Variants in PXDNL observed in about 807,000 individuals in gnomAD.
PXDNL encodes the protein probable oxidoreductase PXDNL.
Under a neutral mutation model 150.8 loss-of-function variants are expected in PXDNL, and 145 were observed. That is an observed-to-expected ratio of 0.96 (90% CI 0.84 to 1.10). The LOEUF is 1.10. PXDNL is among the 50% of genes least tolerant of loss of function. The pLI is 0.00. For missense variants in PXDNL, 2,087 were observed against 1,873.9 expected (o/e 1.11, Z -2.10); for synonymous variants, 757 against 725.7 (o/e 1.04, Z -0.69).
intron 17 of PXDNL, among the ~76,000 whole-genome samples, chr8:51,390,918 C>G (rs1807883001): frequency 6.6e-6 from 1 of 151,994 alleles, no homozygotes; most frequent in African/African-American, 2.4e-5. Flanking sequence ...ACAACAGTCC[C>G]CAGAGTGTGA....
At chr8:51,638,434 G>A (rs569135727) in intron 2 of PXDNL, among the ~76,000 whole-genome samples, 57 of 152,282 alleles carry the variant, frequency 3.7e-4, no homozygotes, top group African/African-American at 1.3e-3. Flanking sequence ...AGACCCATCA[G>A]TGTGCTGTAT....
intron 4 of PXDNL, among the ~76,000 whole-genome samples, chr8:51,513,574 C>G (rs776571559): frequency 5.9e-5 from 9 of 152,204 alleles, no homozygotes; most frequent in Admixed American, 1.3e-4. Flanking sequence ...ATGAAAGTTA[C>G]AGAAAAATTA....
intron 21 of PXDNL, among the ~76,000 whole-genome samples, chr8:51,332,375 G>C (rs1438032634): frequency 2.0e-5 from 3 of 152,134 alleles, no homozygotes; most frequent in Non-Finnish European, 2.9e-5. Flanking sequence ...ACTCAAATGA[G>C]AAGGAACCAG....
chr8:51,523,061 T>C (rs528496353), intron 4 of PXDNL, among the ~76,000 whole-genome samples: 2 of 152,204 alleles, frequency 1.3e-5, no homozygotes, highest in Non-Finnish European at 2.9e-5. Context: ...TTAATGATAG[T>C]TTAAAATTGT....
At chr8:51,537,078 C>T (rs376723309) in intron 4 of PXDNL, among the ~76,000 whole-genome samples, 11 of 152,254 alleles carry the variant, frequency 7.2e-5, no homozygotes, top group African/African-American at 2.6e-4. Flanking sequence ...AAACATAAAT[C>T]CCAGATAAGA....
rs567740365 is a variant in PXDNL at position 51,469,822 on chromosome 8, A to G, written c.812+2365T>C. On this transcript the variant is annotated intron_variant, in intron 8 of 22. Transcript: ENST00000356297. ...GTAAATAATCAGTAAGTTAATAGTT[A>G]CTCATGTTAAACATTTCTTGTCATA... 2.5e-4 allele frequency among the ~76,000 whole-genome samples: 38 copies of G among 152,172 alleles called. 1 individual carries two copies. In the South Asian group the frequency reaches 7.5e-3, roughly 30 times the overall value.
chr8:51,636,610 T>G (rs1335921336), intron 2 of PXDNL, among the ~76,000 whole-genome samples: 1 of 152,054 alleles, frequency 6.6e-6, no homozygotes, highest in African/African-American at 2.4e-5. Flanking sequence ...AAGAATAAAA[T>G]GTCTAGAAAT....
chr8:51,792,430 C>G (rs1200798264), intron 1 of PXDNL, among the ~76,000 whole-genome samples: 2 of 152,208 alleles, frequency 1.3e-5, no homozygotes, highest in East Asian at 3.9e-4. Context: ...CCGGGGGATC[C>G]TCGTGAGCCC....
Position 51,420,493 on chromosome 8 carries a change from T to A in PXDNL, c.1795+3082A>T, listed in dbSNP as rs1808918798. 2.0e-5 allele frequency among the ~76,000 whole-genome samples: 3 copies of A among 152,358 alleles called. No individual in the cohort carries two copies. The South Asian group carries it at 6.2e-4, about 32-fold the overall frequency. On this transcript the variant is annotated intron_variant, in intron 14 of 22. Transcript: ENST00000356297. ...TTCTAACATTATGAAATTTATTTGG[T>A]ATAAATTACTTTTCCCTCATATTGA...
rs539306595 is a variant in PXDNL, at chr8:51,477,292, A to G, written c.525-2151T>C. Among the ~76,000 whole-genome samples the G allele has an allele frequency of 3.3e-5, 5 of 152,366 alleles. No individual in the cohort carries two copies. In the South Asian group the frequency reaches 1.0e-3, roughly 32 times the overall value. On this transcript the variant is annotated intron_variant, in intron 6 of 22. Coordinates refer to ENST00000356297, the MANE Select transcript of PXDNL (RefSeq NM_144651.5). Reference sequence around the variant, plus strand: ...AAATTGCTAAAGGGAAAACATTTGCACTTATTGAAAAGTTAGTTAACCATA... The same window carrying G: ...AAATTGCTAAAGGGAAAACATTTGCGCTTATTGAAAAGTTAGTTAACCATA...
intron 4 of PXDNL, among the ~76,000 whole-genome samples, chr8:51,541,025 C>G (rs944475834): frequency 6.6e-6 from 1 of 151,654 alleles, no homozygotes; most frequent in Non-Finnish European, 1.5e-5. Flanking sequence ...TTTGGGGGAC[C>G]AAGGCATGTG....
At chr8:51,496,378 G>A (rs1487356180) in intron 5 of PXDNL, among the ~76,000 whole-genome samples, 5 of 152,168 alleles carry the variant, frequency 3.3e-5, no homozygotes, top group African/African-American at 9.7e-5. Flanking sequence ...ACAAGACAGG[G>A]ATGCCCTCTC....
At chr8:51,761,855 T>C (rs994630508) in intron 1 of PXDNL, among the ~76,000 whole-genome samples, 1 of 152,234 alleles carries the variant, frequency 6.6e-6, no homozygotes, top group Non-Finnish European at 1.5e-5. Flanking sequence ...CTAACACTCA[T>C]AATGTATTGC....
chr8:51,731,028 C>T (rs1816908310), intron 1 of PXDNL, among the ~76,000 whole-genome samples: 1 of 152,156 alleles, frequency 6.6e-6, no homozygotes, highest in Non-Finnish European at 1.5e-5. Flanking sequence ...CCCCTGGCCC[C>T]TCCCAAATCT....
chr8:51,337,304 GTGTC>G (rs1268356925), intron 21 of PXDNL, among the ~76,000 whole-genome samples: 1 of 152,140 alleles, frequency 6.6e-6, no homozygotes, highest in East Asian at 1.9e-4. Flanking sequence ...GAATCTACCT[GTGTC>G]TGTAAATCCA....
intron 2 of PXDNL, among the ~76,000 whole-genome samples, chr8:51,618,564 C>A (rs1012624770): frequency 1.3e-5 from 2 of 152,192 alleles, no homozygotes; most frequent in Admixed American, 1.3e-4. Context: ...GAGTGTGGAA[C>A]CTGATAGGAG....
chr8:51,541,408 C>G (rs73586751), intron 4 of PXDNL, among the ~76,000 whole-genome samples: 5,096 of 152,218 alleles, frequency 0.033, 284 homozygotes, highest in African/African-American at 0.12. Context: ...TAAGGTGACA[C>G]CTTTCTGAGG....
chr8:51,606,393 G>A (rs561074217), intron 2 of PXDNL, among the ~76,000 whole-genome samples: 35 of 152,302 alleles, frequency 2.3e-4, no homozygotes, highest in Admixed American at 9.8e-4. Context: ...GTTCCCCTGG[G>A]AATGCAGAAC....
Position 51,624,671 on chromosome 8 carries a change from A to C in PXDNL, c.236+30018T>G. The stretch of plus-strand genomic sequence containing the variant: ...ATGTCTTTCTGATGATATATATATT[A>C]TATATTATATATATAATATATATGT... On this transcript the variant is annotated intron_variant, in intron 2 of 22. Coordinates refer to ENST00000356297, the MANE Select transcript of PXDNL (RefSeq NM_144651.5). Among the ~76,000 whole-genome samples, 2 of 147,754 alleles carry C rather than the reference A, an allele frequency of 1.4e-5. 1 individual carries two copies. Among genetic ancestry groups the C allele is most frequent in the Middle Eastern group, 7.1e-3 (2 of 280 alleles).
Sources: gnomAD v4.1 joint callset for allele counts (sites outside exome capture counted in the v4.1 genomes callset) on GRCh38, gnomAD v4.1.1 for gene constraint, MANE v1.5 for transcripts, NCBI Gene and HGNC (gene_info 2026-07-23, HGNC 2026-07-21) for gene names.